PLCE1: variants seen among roughly 807,000 people sequenced by gnomAD.
PLCE1 encodes the protein phospholipase C epsilon 1, also known as 1-phosphatidylinositol 4,5-bisphosphate phosphodiesterase epsilon-1.
In PLCE1, 119 loss-of-function variants were observed where a neutral mutation model predicts 242.8. That is an observed-to-expected ratio of 0.49 (90% CI 0.42 to 0.57). The LOEUF (loss-of-function observed/expected upper bound fraction) is 0.57. Ranked by LOEUF, PLCE1 falls within the 20% of genes least tolerant of loss-of-function variation. The probability of loss-of-function intolerance (pLI) is 0.00; values close to 1 mark genes in which losing one functional copy is unlikely to be tolerated. For synonymous variants in PLCE1, 945 were observed against 1,017.4 expected (o/e 0.93, Z 1.35); for missense variants, 2,441 against 2,788.8 (o/e 0.88, Z 2.81).
intron 1 of PLCE1, among the ~76,000 whole-genome samples, chr10:94,010,104 C>G: frequency 6.6e-6 from 1 of 152,232 alleles, no homozygotes; most frequent in East Asian, 1.9e-4. Flanking sequence ...GATACATCCT[C>G]TGAAATCTAG....
At position 94,293,493 on chromosome 10, in the gene PLCE1, A is replaced by G. The variant is rs1459304188; in HGVS notation, c.5036-15A>G. The G allele has an allele frequency of 6.2e-7, 1 of 1,612,586 alleles. No homozygotes were observed. The highest frequency in any genetic ancestry group is 8.5e-7 in the Non-Finnish European group (1 of 1,179,070). ...TGTAGTTTTTGGCTTATTTATTTTC[A>G]TTTTATGGGAACAGGACTGTCAACT... On this transcript the variant is annotated splice_polypyrimidine_tract_variant and intron_variant, in intron 22 of 32. Coordinates refer to ENST00000371380, the MANE Select transcript of PLCE1 (RefSeq NM_016341.4).
At chr10:94,070,946 G>A (rs930380769) in intron 2 of PLCE1, among the ~76,000 whole-genome samples, 3 of 152,014 alleles carry the variant, frequency 2.0e-5, no homozygotes, top group Non-Finnish European at 4.4e-5. Flanking sequence ...TCCTGATGGC[G>A]ACCTTGTACA....
chr10:94,167,826 C>T (rs1399885325), intron 3 of PLCE1, among the ~76,000 whole-genome samples: 2 of 151,928 alleles, frequency 1.3e-5, no homozygotes, highest in Non-Finnish European at 2.9e-5. Context: ...GCTGGGATTA[C>T]AGGCACCCAC....
At chr10:94,269,393 C>T (rs1238117353) in intron 17 of PLCE1, among the ~76,000 whole-genome samples, 23 of 152,016 alleles carry the variant, frequency 1.5e-4, no homozygotes, top group Admixed American at 1.3e-3. Flanking sequence ...CGTGAGCCAC[C>T]GTGCCTGGCC....
intron 2 of PLCE1, among the ~76,000 whole-genome samples, chr10:94,103,477 G>C (rs892147729): frequency 6.6e-6 from 1 of 152,092 alleles, no homozygotes; most frequent in African/African-American, 2.4e-5. Context: ...AAAAAAGCAC[G>C]CAAAAGACCA....
intron 1 of PLCE1, among the ~76,000 whole-genome samples, chr10:94,014,328 G>A (rs2061233167): frequency 6.6e-6 from 1 of 152,006 alleles, no homozygotes; most frequent in African/African-American, 2.4e-5. Flanking sequence ...TACAGGTCAG[G>A]TGGAGTGGCT....
At chr10:94,224,972 G>A (rs2049889752) in intron 4 of PLCE1, among the ~76,000 whole-genome samples, 1 of 152,186 alleles carries the variant, frequency 6.6e-6, no homozygotes, top group Admixed American at 6.5e-5. Flanking sequence ...TTCTCCTGAT[G>A]CCACCTGAGG....
chr10:94,223,233 C>CAAAAAA (rs60764243), intron 4 of PLCE1, among the ~76,000 whole-genome samples: 2,572 of 90,762 alleles, frequency 0.028, 140 homozygotes, highest in East Asian at 0.075. Context: ...TCCATCTCTA[C>CAAAAAA]AAAAAAAAAA....
chr10:94,247,935 G>A (rs2050744246), intron 8 of PLCE1, among the ~76,000 whole-genome samples: 1 of 152,202 alleles, frequency 6.6e-6, no homozygotes, highest in Admixed American at 6.5e-5. Context: ...ATTCTCAAAT[G>A]AGTTGTGTCA....
At chr10:94,224,185 G>A (rs1564804072) in intron 4 of PLCE1, among the ~76,000 whole-genome samples, 1 of 152,036 alleles carries the variant, frequency 6.6e-6, no homozygotes, top group Non-Finnish European at 1.5e-5. Context: ...AGGGCCCTGG[G>A]GACTCACACT....
In PLCE1 at chr10:94,265,781, T is replaced by A. The variant is rs1025780060; in HGVS notation, c.4116-12T>A. 3 of 1,614,088 alleles carry A rather than the reference T, an allele frequency of 1.9e-6. No individual in the cohort carries two copies. Among genetic ancestry groups the A allele is most frequent in the Non-Finnish European group, 2.5e-6 (3 of 1,179,956 alleles). ...TTTCCCATGCAGTCTTAAGAAAATTTGTTTCACCTAGGTTTCTGATGGATA... is the reference window on the plus strand; with the variant it reads ...TTTCCCATGCAGTCTTAAGAAAATTAGTTTCACCTAGGTTTCTGATGGATA... On this transcript the variant is annotated splice_polypyrimidine_tract_variant and intron_variant, in intron 15 of 32. Coordinates refer to ENST00000371380, the MANE Select transcript of PLCE1 (RefSeq NM_016341.4).
At chr10:94,112,132 A>G (rs2045975219) in intron 2 of PLCE1, among the ~76,000 whole-genome samples, 1 of 152,126 alleles carries the variant, frequency 6.6e-6, no homozygotes, top group Non-Finnish European at 1.5e-5. Context: ...TCCCCCTTTG[A>G]TGGCTAATTT....
At position 94,327,950 on chromosome 10, in the gene PLCE1, C is replaced by G. The variant is rs1406305724; in HGVS notation, c.*25-18C>G. ...TCATTTTCAGTATACTAATAAGCCT[C>G]TGTATACAACATTACAGGTGAAGAT... On this transcript the variant is annotated intron_variant, in intron 32 of 32. Coordinates refer to ENST00000371380, the MANE Select transcript of PLCE1 (RefSeq NM_016341.4). 4 of 530,824 alleles carry G rather than the reference C, an allele frequency of 7.5e-6. No individual in the cohort carries two copies. Among genetic ancestry groups the G allele is most frequent in the African/African-American group, 1.9e-5 (1 of 51,886 alleles). 32.9% of individuals were successfully genotyped at this position (530,824 alleles called of 1,614,324 possible).
Position 94,195,980 on chromosome 10 carries a change from T to C in PLCE1, c.1809+24484T>C, listed in dbSNP as rs372878767. ...CTTCTTAGAATTTAGACTCTAGAGT[T>C]TGAACTCTCAGAGTTTGAATCCCAG... On this transcript the variant is annotated intron_variant, in intron 4 of 32. Transcript: ENST00000371380. Among the ~76,000 whole-genome samples the C allele has an allele frequency of 8.7e-4, 132 of 152,248 alleles. 1 individual carries two copies. The highest frequency in any genetic ancestry group is 1.7e-3 in the African/African-American group (72 of 41,522).
chr10:94,283,561 A>G, intron 20 of PLCE1: 1 of 415,690 alleles, frequency 2.4e-6, no homozygotes, highest in South Asian at 2.1e-5. Context: ...AATTATGTAT[A>G]TAAGTGACAA....
intron 7 of PLCE1, among the ~76,000 whole-genome samples, chr10:94,242,924 A>G (rs879639937): frequency 2.0e-5 from 3 of 152,212 alleles, no homozygotes; most frequent in Non-Finnish European, 4.4e-5. Context: ...AAATAAACAA[A>G]TGGGGGAGAA....
intron 3 of PLCE1, among the ~76,000 whole-genome samples, chr10:94,163,241 A>AT (rs1265965439): frequency 6.6e-6 from 1 of 152,160 alleles, no homozygotes; most frequent in African/African-American, 2.4e-5. Context: ...GATCTGTCTA[A>AT]TGTTGACAGT....
At chr10:94,185,308 A>G (rs1253279484) in intron 4 of PLCE1, among the ~76,000 whole-genome samples, 1 of 152,268 alleles carries the variant, frequency 6.6e-6, no homozygotes, top group East Asian at 1.9e-4. Flanking sequence ...CACCCTGGCT[A>G]ATAGGGTGAA....
chr10:94,192,772 G>T (rs1193880604), intron 4 of PLCE1, among the ~76,000 whole-genome samples: 1 of 152,060 alleles, frequency 6.6e-6, no homozygotes, highest in Non-Finnish European at 1.5e-5. Flanking sequence ...TTTCACAGTG[G>T]CTGAACTAAT....
Sources: gnomAD v4.1 joint callset for allele counts (sites outside exome capture counted in the v4.1 genomes callset) on GRCh38, gnomAD v4.1.1 for gene constraint, MANE v1.5 for transcripts, NCBI Gene and HGNC (gene_info 2026-07-23, HGNC 2026-07-21) for gene names.